ROBO1: variants seen among roughly 807,000 people sequenced by gnomAD.
ROBO1 encodes roundabout guidance receptor 1, also known as roundabout homolog 1.
Under a neutral mutation model 195.9 loss-of-function variants are expected in ROBO1, and 149 were observed. The ratio of observed to expected loss-of-function variants is 0.76; its 90% confidence interval spans 0.67 to 0.87. ROBO1 has a LOEUF of 0.87. ROBO1 is among the 40% of genes least tolerant of loss of function. The probability of loss-of-function intolerance (pLI) is 0.00; values close to 1 mark genes in which losing one functional copy is unlikely to be tolerated. For synonymous variants in ROBO1, 816 were observed against 733.2 expected, an observed-to-expected ratio of 1.11 and a Z score of -1.82; for missense variants, 1,933 against 2,068.3, an observed-to-expected ratio of 0.93 and a Z score of 1.27.
intron 5 of ROBO1, among the ~76,000 whole-genome samples, chr3:78,726,353 A>G (rs1052086589): frequency 1.3e-5 from 2 of 152,164 alleles, no homozygotes; most frequent in African/African-American, 4.8e-5. Context: ...GCAGTACTAA[A>G]TTTTTACAAT....
intron 8 of ROBO1, 76 bp downstream of exon 8, chr3:78,714,321 A>G (rs1422281952): frequency 6.9e-7 from 1 of 1,447,504 alleles, no homozygotes; most frequent in Non-Finnish European, 9.4e-7. Flanking sequence ...AGCCCTATAC[A>G]TAATATTTTC....
Position 78,884,053 on chromosome 3 carries a change from AG to A in ROBO1, c.499+54547del, listed in dbSNP as rs570775860. Among the ~76,000 whole-genome samples the A allele has an allele frequency of 2.5e-4, 38 of 152,312 alleles. No individual in the cohort carries two copies. In the South Asian group the frequency reaches 7.9e-3, roughly 32 times the overall value. Reference sequence around the variant, plus strand: ...GTGGGGAGAATGCAGATAAAAGGAAAGGCAAAGGTGAGCTCATAAGGGACTT... The same window carrying A: ...GTGGGGAGAATGCAGATAAAAGGAAAGCAAAGGTGAGCTCATAAGGGACTT... On this transcript the variant is annotated intron_variant, in intron 4 of 30. Coordinates refer to ENST00000464233, the MANE Select transcript of ROBO1 (RefSeq NM_002941.4).
At chr3:79,676,969 C>T (rs1413671131) in intron 1 of ROBO1, among the ~76,000 whole-genome samples, 1 of 151,942 alleles carries the variant, frequency 6.6e-6, no homozygotes, top group African/African-American at 2.4e-5. Context: ...TCTTGGGAAC[C>T]TTGGGATTGG....
chr3:78,878,054 G>A (rs1169730759), intron 4 of ROBO1, among the ~76,000 whole-genome samples: 1 of 152,032 alleles, frequency 6.6e-6, no homozygotes, highest in African/African-American at 2.4e-5. Context: ...TTTTCACTAA[G>A]GATTTCTTTT....
At chr3:78,920,986 A>T (rs181356105) in intron 4 of ROBO1, among the ~76,000 whole-genome samples, 9 of 152,214 alleles carry the variant, frequency 5.9e-5, no homozygotes, top group Non-Finnish European at 1.3e-4. Context: ...GTGACATGGC[A>T]AATTTATTTA....
intron 1 of ROBO1, among the ~76,000 whole-genome samples, chr3:79,703,520 G>A (rs183769289): frequency 3.5e-4 from 53 of 151,848 alleles, no homozygotes; most frequent in Admixed American, 1.6e-3. Flanking sequence ...CATTATTTAA[G>A]AAACTGCTAT....
intron 1 of ROBO1, among the ~76,000 whole-genome samples, chr3:79,729,663 T>C (rs1002235063): frequency 6.6e-6 from 1 of 152,164 alleles, no homozygotes; most frequent in African/African-American, 2.4e-5. Context: ...TCATTTTGCT[T>C]TGCATCATTG....
chr3:79,661,856 A>T, intron 1 of ROBO1, among the ~76,000 whole-genome samples: 1 of 152,060 alleles, frequency 6.6e-6, no homozygotes, highest in Non-Finnish European at 1.5e-5. Context: ...GAATGTAGCA[A>T]ATACTCCAGT....
intron 1 of ROBO1, among the ~76,000 whole-genome samples, chr3:79,591,405 T>C (rs2107824342): frequency 6.6e-6 from 1 of 151,998 alleles, no homozygotes; most frequent in African/African-American, 2.4e-5. Flanking sequence ...ACAGCTATAA[T>C]CACCTGACTT....
At chr3:78,837,738 A>T (rs1351468917) in intron 4 of ROBO1, among the ~76,000 whole-genome samples, 1 of 152,156 alleles carries the variant, frequency 6.6e-6, no homozygotes, top group African/African-American at 2.4e-5. Flanking sequence ...TACCAAAAAA[A>T]ATCCAGTCAT....
chr3:79,008,427 A>G lies in ROBO1; in HGVS notation c.173-69500T>C, dbSNP rs143189545. 1.9e-3 allele frequency among the ~76,000 whole-genome samples: 285 copies of G among 152,216 alleles called. 1 individual carries two copies. Among genetic ancestry groups the G allele is most frequent in the African/African-American group, 6.5e-3 (272 of 41,548 alleles). ...ATAAATAATTTTATTAAGCTCCATTAATAATAAACAAGTAGCATTAAATGA... is the reference window on the plus strand; with the variant it reads ...ATAAATAATTTTATTAAGCTCCATTGATAATAAACAAGTAGCATTAAATGA... On this transcript the variant is annotated intron_variant, in intron 3 of 30. Coordinates refer to ENST00000464233, the MANE Select transcript of ROBO1 (RefSeq NM_002941.4).
At chr3:79,402,946 T>C (rs1241897746) in intron 2 of ROBO1, among the ~76,000 whole-genome samples, 1 of 151,832 alleles carries the variant, frequency 6.6e-6, no homozygotes, top group Non-Finnish European at 1.5e-5. Flanking sequence ...GTGGAACTCA[T>C]CGTCTTCTTC....
At chr3:79,189,208 TC>T (rs2081495200) in intron 2 of ROBO1, among the ~76,000 whole-genome samples, 1 of 151,774 alleles carries the variant, frequency 6.6e-6, no homozygotes, top group Non-Finnish European at 1.5e-5. Flanking sequence ...TCTATTAACA[TC>T]AGGAATACAG....
In ROBO1 at chr3:78,999,932, CT is replaced by C. The variant is rs1576541253; in HGVS notation, c.173-61006del. ...AATTTTCTTTAAATACTCCTTGACC[CT>C]AGTAGGAAGTACATTTTCCCTTCTT... On this transcript the variant is annotated intron_variant, in intron 3 of 30. Coordinates refer to ENST00000464233, the MANE Select transcript of ROBO1 (RefSeq NM_002941.4). Among the ~76,000 whole-genome samples, 4 of 152,156 alleles carry C rather than the reference CT, an allele frequency of 2.6e-5. No individual in the cohort carries two copies. The East Asian group carries it at 7.7e-4, about 29-fold the overall frequency.
chr3:78,860,326 A>ATATATATTTTTTT (rs376853384), intron 4 of ROBO1, among the ~76,000 whole-genome samples: 3 of 93,506 alleles, frequency 3.2e-5, no homozygotes, highest in Admixed American at 1.2e-4. Flanking sequence ...ATATATATAT[A>ATATATATTTTTTT]TTTTTTTTTT....
At chr3:79,170,525 C>T (rs907756221) in intron 2 of ROBO1, among the ~76,000 whole-genome samples, 3 of 151,964 alleles carry the variant, frequency 2.0e-5, no homozygotes, top group Admixed American at 6.6e-5. Context: ...GTTCAAATAG[C>T]CTTGCCCCTA....
rs552980638 is a variant in ROBO1 at position 78,863,887 on chromosome 3, G to A, written c.499+74714C>T. ...ACATATGTCTCATCTGGGATAGTAT[G>A]GAAGAATTCATGGCACACTGATTCA... On this transcript the variant is annotated intron_variant, in intron 4 of 30. Transcript: ENST00000464233. Among the ~76,000 whole-genome samples the A allele has an allele frequency of 2.4e-3, 361 of 152,228 alleles. 3 individuals are homozygous for A. The highest frequency in any genetic ancestry group is 3.9e-3 in the Non-Finnish European group (264 of 68,024).
rs186310618 is a variant in ROBO1 at position 79,509,115 on chromosome 3, A to G, written c.88+80709T>C. ...ATTTATTGCAAAAAGATAAAACACTATTTTTGGGCAGGGATATAATTTCCA... is the reference window on the plus strand; with the variant it reads ...ATTTATTGCAAAAAGATAAAACACTGTTTTTGGGCAGGGATATAATTTCCA... On this transcript the variant is annotated intron_variant, in intron 2 of 30. Transcript: ENST00000464233. Among the ~76,000 whole-genome samples the G allele has an allele frequency of 9.9e-5, 15 of 152,266 alleles. 1 individual carries two copies. In the South Asian group the frequency reaches 2.1e-3, roughly 21 times the overall value.
intron 2 of ROBO1, among the ~76,000 whole-genome samples, chr3:79,171,539 T>A (rs2081166483): frequency 6.6e-6 from 1 of 151,918 alleles, no homozygotes; most frequent in Non-Finnish European, 1.5e-5. Context: ...TTGTGTTGCA[T>A]CAGTACAGAT....
Sources: allele counts gnomAD v4.1 joint callset (sites outside exome capture counted in the v4.1 genomes callset), GRCh38; gene constraint gnomAD v4.1.1; transcripts MANE v1.5; gene names NCBI Gene and HGNC (gene_info 2026-07-23, HGNC 2026-07-21).